Variants in USP7 observed in about 807,000 individuals in gnomAD.
USP7 encodes ubiquitin specific peptidase 7, also known as ubiquitin C-terminal hydrolase 7.
A neutral mutation model predicts 162.9 loss-of-function variants in USP7; 9 were observed. That is an observed-to-expected ratio of 0.06 (90% CI 0.03 to 0.10). The LOEUF (loss-of-function observed/expected upper bound fraction) is 0.10. Ranked by LOEUF, USP7 falls within the 10% of genes least tolerant of loss-of-function variation. The pLI is 1.00. For synonymous variants in USP7, 562 were observed against 475.9 expected, an observed-to-expected ratio of 1.18 and a Z score of -2.35; for missense variants, 715 against 1,373.7, an observed-to-expected ratio of 0.52 and a Z score of 7.58.
At chr16:8,930,231 A>G in intron 2 of USP7, 62 bp downstream of exon 2, 1 of 1,333,476 alleles carries the variant, frequency 7.5e-7, no homozygotes, top group Admixed American at 1.9e-5. Context: ...CCAAGCATGG[A>G]TCTGAACCTG....
chr16:8,919,539 A>G (rs769609900), intron 5 of USP7, among the ~76,000 whole-genome samples: 4 of 152,128 alleles, frequency 2.6e-5, no homozygotes, highest in Non-Finnish European at 4.4e-5. Flanking sequence ...GTAGACACAC[A>G]CACAAGAAGA....
chr16:8,939,564 T>C (rs1898935631), intron 1 of USP7, among the ~76,000 whole-genome samples: 1 of 152,236 alleles, frequency 6.6e-6, no homozygotes, highest in African/African-American at 2.4e-5. Flanking sequence ...AAGCAAATGT[T>C]AGCTAGCAAC....
At chr16:8,911,191 G>T (rs1379377784) in intron 10 of USP7, among the ~76,000 whole-genome samples, 1 of 152,206 alleles carries the variant, frequency 6.6e-6, no homozygotes, top group Non-Finnish European at 1.5e-5. Flanking sequence ...AATGTGAATG[G>T]CTGGCTGATG....
rs201559989 is a variant in USP7, at chr16:8,917,164, A to G, written c.721-8T>C. ...TGGCATCATGTACACAGCCTGAAAC[A>G]ATTAAGAAATAAGAATTTTTACTCT... On this transcript the variant is annotated splice_polypyrimidine_tract_variant and splice_region_variant and intron_variant, in intron 6 of 30. Transcript: ENST00000344836. 1.4e-4 allele frequency: 228 copies of G among 1,582,554 alleles called. No homozygotes were observed. The highest frequency in any genetic ancestry group is 1.9e-4 in the Non-Finnish European group (218 of 1,170,956).
chr16:8,930,330 A>T lies in USP7; in HGVS notation c.147T>A (p.Ser49Arg). 6.2e-7 allele frequency: 1 copy of T among 1,613,032 alleles called. No homozygotes were observed. Among genetic ancestry groups the T allele is most frequent in the Non-Finnish European group, 8.5e-7 (1 of 1,179,656 alleles). Residue 49 changes from serine (S) to arginine (R), a missense_variant, in exon 2 of 31, where the codon AGT (serine) becomes AGA (arginine). Coordinates refer to ENST00000344836, the MANE Select transcript of USP7 (RefSeq NM_003470.3). ...NPVINGNVAL[S>R]DGHNTAEEDM... is the part of the protein sequence containing the mutation. The stretch of plus-strand genomic sequence containing the variant: ...CCTCCTCCGCGGTGTTGTGTCCATC[A>T]CTCAGGGCCACATTCCCATTGATCA...
At chr16:8,932,897 G>GA (rs572423961) in intron 1 of USP7, among the ~76,000 whole-genome samples, 259 of 146,568 alleles carry the variant, frequency 1.8e-3, no homozygotes, top group Non-Finnish European at 2.6e-3. Context: ...AACTGAATAG[G>GA]AAAAAAAAAC....
chr16:8,908,705 C>T (rs1347721319), intron 11 of USP7, among the ~76,000 whole-genome samples: 1 of 152,196 alleles, frequency 6.6e-6, no homozygotes, highest in Non-Finnish European at 1.5e-5. Context: ...TATTCTAACT[C>T]GATGCCCAGC....
chr16:8,898,302 T>C (rs1051240604), intron 25 of USP7, 58 bp downstream of exon 25: 10 of 1,367,252 alleles, frequency 7.3e-6, no homozygotes, highest in African/African-American at 7.3e-5. Flanking sequence ...TGGGGACAGG[T>C]AGAAACAATA....
chr16:8,938,576 G>C (rs1218756868), intron 1 of USP7, among the ~76,000 whole-genome samples: 1 of 152,070 alleles, frequency 6.6e-6, no homozygotes, highest in Non-Finnish European at 1.5e-5. Context: ...GCTGGGCACG[G>C]TGGCAGGCAC....
intron 1 of USP7, among the ~76,000 whole-genome samples, chr16:8,947,119 G>A (rs1007035493): frequency 2.6e-5 from 4 of 152,018 alleles, no homozygotes; most frequent in African/African-American, 9.7e-5. Flanking sequence ...TGTAAGATTG[G>A]TTTTTTCATA....
chr16:8,960,032 G>C (rs1178226783), intron 1 of USP7, among the ~76,000 whole-genome samples: 1 of 152,220 alleles, frequency 6.6e-6, no homozygotes, highest in Non-Finnish European at 1.5e-5. Flanking sequence ...ATAACTTCCT[G>C]TTGATTCAAT....
At position 8,894,865 on chromosome 16, in the gene USP7, CA is replaced by C. The variant is rs1328260623; in HGVS notation, c.3040-11del. 5 of 1,614,086 alleles carry C rather than the reference CA, an allele frequency of 3.1e-6. No individual in the cohort carries two copies. Among genetic ancestry groups the C allele is most frequent in the Non-Finnish European group, 4.2e-6 (5 of 1,180,040 alleles). ...CTCGAAAATGCTCGCCCTAGAATGG[CA>C]AAGGACATGTGCTCACACAGTCACT... On this transcript the variant is annotated splice_polypyrimidine_tract_variant and intron_variant, in intron 28 of 30. Coordinates refer to ENST00000344836, the MANE Select transcript of USP7 (RefSeq NM_003470.3).
Position 8,896,137 on chromosome 16 carries a change from CTTTTTTTT to C in USP7, c.2820-404_2820-397del, listed in dbSNP as rs60467243. Among the ~76,000 whole-genome samples the C allele has an allele frequency of 7.1e-5, 9 of 126,106 alleles. No individual in the cohort carries two copies. The East Asian group carries it at 2.0e-3, about 29-fold the overall frequency. The allele number at this position is 126,106 out of a possible 152,430, so 82.7% of individuals were successfully genotyped here. On this transcript the variant is annotated intron_variant, in intron 26 of 30. Transcript: ENST00000344836. ...TATAGGTGTGAGCCACCATGCCCAGCTTTTTTTTTTTTTTTTTTTTTTAAAGAGGATCT... is the reference window on the plus strand; with the variant it reads ...TATAGGTGTGAGCCACCATGCCCAGCTTTTTTTTTTTTTTAAAGAGGATCT...
intron 1 of USP7, among the ~76,000 whole-genome samples, chr16:8,943,351 G>A (rs774194105): frequency 3.3e-5 from 5 of 151,298 alleles, no homozygotes; most frequent in Non-Finnish European, 5.9e-5. Flanking sequence ...TGTATAGTCT[G>A]CTCCGCAAAA....
chr16:8,951,468 C>T (rs550256665), intron 1 of USP7, among the ~76,000 whole-genome samples: 1 of 152,070 alleles, frequency 6.6e-6, no homozygotes, highest in African/African-American at 2.4e-5. Context: ...AGGGGGCTCA[C>T]CCACCTCGCC....
Position 8,930,304 on chromosome 16 carries a change from T to G in USP7, c.173A>C (p.Asp58Ala). The change falls in exon 2 of 31, where the codon GAC (aspartate) becomes GCC (alanine). Residue 58 changes from aspartate to alanine, a missense_variant. Asp to Ala is a moderately radical substitution (Grantham distance 126). Around this residue, in one of 11 missense-constraint regions of USP7, gnomAD observed 137 missense variants for 123.5 expected, o/e 1.11. Coordinates refer to ENST00000344836, the MANE Select transcript of USP7 (RefSeq NM_003470.3). Reference protein sequence around the residue: ...LSDGHNTAEEDMEDDTSWRSE... With the variant: ...LSDGHNTAEEAMEDDTSWRSE... ...CCACAGGCACTTACCATCCTCCATG[T>G]CCTCCTCCGCGGTGTTGTGTCCATC... The G allele has an allele frequency of 6.2e-7, 1 of 1,612,228 alleles. No homozygotes were observed. Among genetic ancestry groups the G allele is most frequent in the Non-Finnish European group, 8.5e-7 (1 of 1,179,082 alleles).
rs1242465127 is a variant in USP7 at position 8,950,068 on chromosome 16, G to GA, written c.79+13138dup. Among the ~76,000 whole-genome samples, 6 of 152,306 alleles carry GA rather than the reference G, an allele frequency of 3.9e-5. No homozygotes were observed. The East Asian group carries it at 1.2e-3, about 29-fold the overall frequency. ...TTGAAACATGGCTGTTGTGACAGAG[G>GA]AATTGGTATTATTAATCTTATTCAA... On this transcript the variant is annotated intron_variant, in intron 1 of 30. Coordinates refer to ENST00000344836, the MANE Select transcript of USP7 (RefSeq NM_003470.3).
intron 1 of USP7, among the ~76,000 whole-genome samples, chr16:8,941,246 C>T (rs369902549): frequency 6.6e-6 from 1 of 152,130 alleles, no homozygotes; most frequent in Non-Finnish European, 1.5e-5. Context: ...AGAACATGAA[C>T]CTAAGTGGAA....
intron 25 of USP7, among the ~76,000 whole-genome samples, chr16:8,897,726 A>AAAAATATATATATAT (rs1555461671): frequency 5.6e-4 from 4 of 7,136 alleles, no homozygotes; most frequent in South Asian, 7.6e-3. Flanking sequence ...AAAAAAAAAA[A>AAAAATATATATATAT]ATATATATAT....
Sources: allele counts gnomAD v4.1 joint callset (sites outside exome capture counted in the v4.1 genomes callset), GRCh38; gene constraint gnomAD v4.1.1; regional missense constraint gnomAD v4.1.1; transcripts MANE v1.5; gene names NCBI Gene and HGNC (gene_info 2026-07-23, HGNC 2026-07-21).